PCDHGB7: variants seen among roughly 807,000 people sequenced by gnomAD.
PCDHGB7 encodes the protein protocadherin gamma subfamily B, 7.
Under a neutral mutation model 61.4 loss-of-function variants are expected in PCDHGB7, and 37 were observed. The ratio of observed to expected loss-of-function variants is 0.60; its 90% CI spans 0.46 to 0.79. The LOEUF is 0.79. Ranked by LOEUF, PCDHGB7 falls within the 30% of genes least tolerant of loss-of-function variation. The pLI, the probability that PCDHGB7 is intolerant of heterozygous loss-of-function variation, is 0.00. For synonymous variants in PCDHGB7, 464 were observed against 503.5 expected (o/e 0.92, Z 1.05); for missense variants, 1,166 against 1,202.5 (o/e 0.97, Z 0.45).
In PCDHGB7 at chr5:141,418,429, A is replaced by G. The variant is rs765952024; in HGVS notation, c.570A>G (p.Lys190=). ...LVEKDNPDGG[K]YPELVLQKTL... is the part of the protein sequence containing the mutation. ...AGAAAGACAATCCTGATGGTGGCAAATATCCAGAATTAGTATTGCAGAAGA... is the reference window on the plus strand; with the variant it reads ...AGAAAGACAATCCTGATGGTGGCAAGTATCCAGAATTAGTATTGCAGAAGA... Residue 190 remains lysine, a synonymous_variant, in exon 1 of 4, where the codon AAA becomes AAG. Transcript: ENST00000398594. 8.7e-6 allele frequency: 14 copies of G among 1,613,972 alleles called. No homozygotes were observed. In the South Asian group the frequency reaches 1.5e-4, roughly 18 times the overall value.
chr5:141,487,530 T>C lies in PCDHGB7; in HGVS notation c.2416-7277T>C. The stretch of plus-strand genomic sequence containing the variant: ...GCACCCACTCGGAGTGATAGCTTCA[T>C]GATGGTGAAGTCACCCAGTGCACCT... On this transcript the variant is annotated intron_variant, in intron 1 of 3. Coordinates refer to ENST00000398594, the MANE Select transcript of PCDHGB7 (RefSeq NM_018927.4). This position sits in a 1 kb window ranked among gnomAD's most constrained non-coding sequence, Gnocchi z 5.0. The C allele has an allele frequency of 6.2e-7, 1 of 1,614,218 alleles. No individual in the cohort carries two copies. The highest frequency in any genetic ancestry group is 8.5e-7 in the Non-Finnish European group (1 of 1,180,040).
In PCDHGB7 at chr5:141,491,244, T is replaced by G. The variant is rs754328211; in HGVS notation, c.2416-3563T>G. The G allele has an allele frequency of 6.2e-6, 10 of 1,614,092 alleles. No homozygotes were observed. The South Asian group carries it at 1.1e-4, about 18-fold the overall frequency. ...CCACAGTGCTGCTGGTTCTGGAGGA[T>G]GAGGACCCTGAGGAAATGCCCAAAT... On this transcript the variant is annotated intron_variant, in intron 1 of 3. Transcript: ENST00000398594. This position sits in a 1 kb window ranked among gnomAD's most constrained non-coding sequence, Gnocchi z 6.9.
chr5:141,434,795 T>C (rs1027924206), intron 1 of PCDHGB7, among the ~76,000 whole-genome samples: 2 of 152,004 alleles, frequency 1.3e-5, no homozygotes, highest in African/African-American at 2.4e-5. Context: ...TTTTTTTTTC[T>C]GAGCTTGGAG....
chr5:141,510,802 C>T (rs1358684730), intron 3 of PCDHGB7, 145 bp from the exon 4 acceptor site: 1 of 1,497,192 alleles, frequency 6.7e-7, no homozygotes, highest in African/African-American at 1.4e-5. Context: ...AGAGAGACTA[C>T]CTTGGTGACC....
At position 141,485,800 on chromosome 5, in the gene PCDHGB7, C is replaced by T. The variant is rs1231777430; in HGVS notation, c.2416-9007C>T. On this transcript the variant is annotated intron_variant, in intron 1 of 3. Coordinates refer to ENST00000398594, the MANE Select transcript of PCDHGB7 (RefSeq NM_018927.4). This position sits in a 1 kb window ranked among gnomAD's most constrained non-coding sequence, Gnocchi z 5.7. The stretch of plus-strand genomic sequence containing the variant: ...ATCGAGAGAAGCAATCGGACTACCG[C>T]CTGGTGCTGACTGCTGTCGATGGAG... 1 of 1,614,228 alleles carries T rather than the reference C, an allele frequency of 6.2e-7. No homozygotes were observed. Among genetic ancestry groups the T allele is most frequent in the East Asian group, 2.2e-5 (1 of 44,878 alleles).
chr5:141,449,160 T>G (rs6867451), intron 1 of PCDHGB7, among the ~76,000 whole-genome samples: 8,161 of 152,140 alleles, frequency 0.054, 458 homozygotes, highest in African/African-American at 0.15. Context: ...AAAGAGGAAA[T>G]AGGTGTAATT....
At position 141,485,566 on chromosome 5, in the gene PCDHGB7, C is replaced by T. The variant is rs768144422; in HGVS notation, c.2416-9241C>T. The T allele has an allele frequency of 6.2e-7, 1 of 1,612,926 alleles. No homozygotes were observed. Among genetic ancestry groups the T allele is most frequent in the African/African-American group, 1.3e-5 (1 of 75,016 alleles). ...TCGTAGATGTGAATGATCACGCCCC[C>T]CGTTTTCCGCGGCAGCAGCTGGACT... On this transcript the variant is annotated intron_variant, in intron 1 of 3. Transcript: ENST00000398594. The surrounding 1 kb of genome is among the most constrained non-coding windows in gnomAD (Gnocchi z 5.7).
intron 1 of PCDHGB7, among the ~76,000 whole-genome samples, chr5:141,453,670 G>A (rs191035462): frequency 2.5e-4 from 38 of 152,224 alleles, no homozygotes; most frequent in Middle Eastern, 6.8e-3. Context: ...TACACAAAAG[G>A]TAACACACTA....
At position 141,431,542 on chromosome 5, in the gene PCDHGB7, G is replaced by C; in HGVS notation, c.2415+11268G>C. On this transcript the variant is annotated intron_variant, in intron 1 of 3. Coordinates refer to ENST00000398594, the MANE Select transcript of PCDHGB7 (RefSeq NM_018927.4). The surrounding 1 kb of genome is among the most constrained non-coding windows in gnomAD (Gnocchi z 4.8). ...AGAATCTGGCCTTGGGCACGCAGCT[G>C]CTTGTAGTCAACGCTACCGACCCTG... The C allele has an allele frequency of 1.9e-6, 3 of 1,614,124 alleles. No homozygotes were observed. The highest frequency in any genetic ancestry group is 1.1e-5 in the South Asian group (1 of 91,086).
rs911461762 is a variant in PCDHGB7 at position 141,512,938 on chromosome 5, T to C, written c.*1765T>C. The stretch of plus-strand genomic sequence containing the variant: ...ACTCTAATATTTATATGGCTTTTTT[T>C]CTTCGACAAAAAAATAATAAAACGT... On this transcript the variant is annotated 3_prime_UTR_variant, in exon 4 of 4. Coordinates refer to ENST00000398594, the MANE Select transcript of PCDHGB7 (RefSeq NM_018927.4). 6.6e-6 allele frequency: 1 copy of C among 151,928 alleles called. No homozygotes were observed. Among genetic ancestry groups the C allele is most frequent in the Non-Finnish European group, 1.5e-5 (1 of 67,934 alleles). The allele number at this position is 151,928 out of a possible 1,614,324, so 9.4% of individuals were successfully genotyped here.
chr5:141,511,391 C>G lies in PCDHGB7; in HGVS notation c.*218C>G. ...TGCAAAAGCAGTTCCGCTGGGAACC[C>G]CCATCCAATCAACTGCTGTACCCAT... is the stretch of plus-strand genomic sequence containing the variant. On this transcript the variant is annotated 3_prime_UTR_variant, in exon 4 of 4. Coordinates refer to ENST00000398594, the MANE Select transcript of PCDHGB7 (RefSeq NM_018927.4). 2.8e-6 allele frequency: 3 copies of G among 1,079,748 alleles called. No homozygotes were observed. The highest frequency in any genetic ancestry group is 3.3e-5 in the South Asian group (2 of 60,136). The allele number at this position is 1,079,748 out of a possible 1,614,324, so 66.9% of individuals were successfully genotyped here. A position where few individuals can be genotyped will look rare whatever the true frequency, so the allele number is the denominator to read the frequency against.
rs769652961 is a variant in PCDHGB7, at chr5:141,489,435, A to G, written c.2416-5372A>G. ...CAGATCTGTTGAGCCGGCGGCTGCAATTGGGCTCTGAGGAGAATGGGCGCT... is the reference window on the plus strand; with the variant it reads ...CAGATCTGTTGAGCCGGCGGCTGCAGTTGGGCTCTGAGGAGAATGGGCGCT... On this transcript the variant is annotated intron_variant, in intron 1 of 3. Coordinates refer to ENST00000398594, the MANE Select transcript of PCDHGB7 (RefSeq NM_018927.4). This position sits in a 1 kb window ranked among gnomAD's most constrained non-coding sequence, Gnocchi z 4.5. 2 of 1,614,138 alleles carry G rather than the reference A, an allele frequency of 1.2e-6. No homozygotes were observed. The highest frequency in any genetic ancestry group is 1.7e-6 in the Non-Finnish European group (2 of 1,180,024).
intron 1 of PCDHGB7, chr5:141,421,044 C>CGCCT (rs891153203): frequency 6.4e-5 from 35 of 548,614 alleles, no homozygotes; most frequent in African/African-American, 6.0e-4. Context: ...CTCCCTCCCC[C>CGCCT]GCCTCTACCA....
chr5:141,431,442 TCC>T lies in PCDHGB7; in HGVS notation c.2415+11169_2415+11170del. ...CCGGTGCGCACAGGCACCGCGCGCATCCGCGTGATGGTTCTGGATGCGAACGA... is the reference window on the plus strand; with the variant it reads ...CCGGTGCGCACAGGCACCGCGCGCATGCGTGATGGTTCTGGATGCGAACGA... On this transcript the variant is annotated intron_variant, in intron 1 of 3. Transcript: ENST00000398594. This position sits in a 1 kb window ranked among gnomAD's most constrained non-coding sequence, Gnocchi z 4.8. 1 of 1,613,746 alleles carries T rather than the reference TCC, an allele frequency of 6.2e-7. No homozygotes were observed. The highest frequency in any genetic ancestry group is 1.3e-5 in the African/African-American group (1 of 75,074).
chr5:141,506,740 T>C (rs1006665092), intron 3 of PCDHGB7, among the ~76,000 whole-genome samples: 2 of 152,104 alleles, frequency 1.3e-5, no homozygotes, highest in African/African-American at 2.4e-5. Context: ...ATAATGCCTA[T>C]TAATAAAGAC....
In PCDHGB7 at chr5:141,418,002, G is replaced by A; in HGVS notation, c.143G>A (p.Gly48Glu). ...GAGCTGGCCAAGGGCTCGGTGGTGG[G>A]GAACCTCGCTAAGGATCTAGGGCTT... ...PEELAKGSVV[G>E]NLAKDLGLSV... Residue 48 changes from glycine (G) to glutamate (E), a missense_variant, in exon 1 of 4, where the codon GGG (glycine) becomes GAG (glutamate). Coordinates refer to ENST00000398594, the MANE Select transcript of PCDHGB7 (RefSeq NM_018927.4). 3 of 1,613,916 alleles carry A rather than the reference G, an allele frequency of 1.9e-6. No individual in the cohort carries two copies. Among genetic ancestry groups the A allele is most frequent in the Non-Finnish European group, 2.5e-6 (3 of 1,179,788 alleles).
chr5:141,470,680 T>C (rs1212361233), intron 1 of PCDHGB7, among the ~76,000 whole-genome samples: 1 of 152,090 alleles, frequency 6.6e-6, no homozygotes, highest in Non-Finnish European at 1.5e-5. Context: ...GCTGTTACCA[T>C]CTTGAAATTC....
rs117345436 is a variant in PCDHGB7 at position 141,492,015 on chromosome 5, G to T, written c.2416-2792G>T. 1,356 of 600,608 alleles carry T rather than the reference G, an allele frequency of 2.3e-3. 40 individuals carry two copies. The East Asian group carries it at 0.038, about 17-fold the overall frequency. The allele number at this position is 600,608 out of a possible 1,614,324, so 37.2% of individuals were successfully genotyped here. A position where few individuals can be genotyped will look rare whatever the true frequency, so the allele number is the denominator to read the frequency against. ...ATTTCGGGCGATTTCCGCGGGTGTC[G>T]GGGGTCCCGGGAGGAGGCAGTCACA... On this transcript the variant is annotated intron_variant, in intron 1 of 3. Transcript: ENST00000398594.
chr5:141,432,343 G>C lies in PCDHGB7; in HGVS notation c.2415+12069G>C, dbSNP rs1174646711. 3 of 1,614,130 alleles carry C rather than the reference G, an allele frequency of 1.9e-6. No homozygotes were observed. On this transcript the variant is annotated intron_variant, in intron 1 of 3. Coordinates refer to ENST00000398594, the MANE Select transcript of PCDHGB7 (RefSeq NM_018927.4). This position sits in a 1 kb window ranked among gnomAD's most constrained non-coding sequence, Gnocchi z 6.0. ...TCGACTACGAGCAGTTCCGAGACTTGCAAGTGAAAGTGATGGCGCGGGACA... is the reference window on the plus strand; with the variant it reads ...TCGACTACGAGCAGTTCCGAGACTTCCAAGTGAAAGTGATGGCGCGGGACA...
Sources: allele counts gnomAD v4.1 joint callset (sites outside exome capture counted in the v4.1 genomes callset), GRCh38; gene constraint gnomAD v4.1.1; non-coding constraint Gnocchi (gnomAD v3.1); transcripts MANE v1.5; gene names NCBI Gene and HGNC (gene_info 2026-07-23, HGNC 2026-07-21).